Variants in ITIH5 observed in about 807,000 individuals in gnomAD.
The protein encoded by ITIH5 is inter-alpha-trypsin inhibitor heavy chain 5.
ITIH5 carries 65 observed loss-of-function variants against 77.5 expected under a neutral mutation model. That is an observed-to-expected ratio of 0.84 (90% CI 0.69 to 1.03). The LOEUF is 1.03. Among genes scored for constraint, ITIH5 ranks in the 50% least tolerant of loss-of-function variants. The pLI, the probability that ITIH5 is intolerant of heterozygous loss-of-function variation, is 0.00. For missense variants in ITIH5, 1,208 were observed against 1,213.1 expected, an observed-to-expected ratio of 1.00 and a Z score of 0.06; for synonymous variants, 525 against 494.3, an observed-to-expected ratio of 1.06 and a Z score of -0.82.
intron 4 of ITIH5, among the ~76,000 whole-genome samples, chr10:7,640,410 G>A (rs994879766): frequency 6.6e-6 from 1 of 151,022 alleles, no homozygotes; most frequent in African/African-American, 2.4e-5. Context: ...CCAGGAGGTT[G>A]AGGCTGCAGT....
intron 1 of ITIH5, among the ~76,000 whole-genome samples, chr10:7,663,921 C>G (rs926173144): frequency 6.6e-6 from 1 of 152,194 alleles, no homozygotes; most frequent in African/African-American, 2.4e-5. Flanking sequence ...TACTCAATAA[C>G]TGGTGGCTTT....
intron 10 of ITIH5, among the ~76,000 whole-genome samples, chr10:7,575,456 C>G (rs1307448652): frequency 1.3e-5 from 2 of 152,204 alleles, no homozygotes; most frequent in Non-Finnish European, 2.9e-5. Flanking sequence ...TCAGTTTCCT[C>G]TCCTAGGAGA....
At position 7,634,044 on chromosome 10, in the gene ITIH5, G is replaced by A. The variant is rs374766240; in HGVS notation, c.652+3184C>T. ...GCGGAGCTTGCAGTGAGCCGAGATC[G>A]CGCCACTGCACTCCAGCCTGGGCGA... On this transcript the variant is annotated intron_variant, in intron 5 of 13. Coordinates refer to ENST00000397146, the MANE Select transcript of ITIH5 (RefSeq NM_030569.7). Among the ~76,000 whole-genome samples the A allele has an allele frequency of 5.4e-3, 741 of 136,162 alleles. 3 individuals are homozygous for A. The highest frequency in any genetic ancestry group is 7.2e-3 in the Non-Finnish European group (474 of 65,382). The allele number at this position is 136,162 out of a possible 152,430, so 89.3% of individuals were successfully genotyped here.
At chr10:7,605,528 C>T (rs1833105444) in intron 7 of ITIH5, among the ~76,000 whole-genome samples, 1 of 53,522 alleles carries the variant, frequency 1.9e-5, no homozygotes, top group Admixed American at 2.3e-4. Context: ...TCCCCCATAC[C>T]TAGCACCCCA....
At chr10:7,566,561 A>G (rs949259269) in intron 12 of ITIH5, among the ~76,000 whole-genome samples, 154 bp from the exon 13 acceptor site, 1 of 151,126 alleles carries the variant, frequency 6.6e-6, no homozygotes, top group Non-Finnish European at 1.5e-5. Flanking sequence ...CCCCATCTCT[A>G]CTAAAAATAA....
intron 1 of ITIH5, among the ~76,000 whole-genome samples, chr10:7,656,871 G>A (rs1834193030): frequency 1.3e-5 from 2 of 150,930 alleles, no homozygotes; most frequent in African/African-American, 4.9e-5. Context: ...AGCCTCTGGA[G>A]TAGCTGGGAT....
At position 7,562,956 on chromosome 10, in the gene ITIH5, CA is replaced by C; in HGVS notation, c.*126del. 1 of 803,130 alleles carries C rather than the reference CA, an allele frequency of 1.2e-6. No individual in the cohort carries two copies. 49.8% of individuals were successfully genotyped at this position (803,130 alleles called of 1,614,324 possible). On this transcript the variant is annotated 3_prime_UTR_variant, in exon 14 of 14. Transcript: ENST00000397146. The stretch of plus-strand genomic sequence containing the variant: ...GACAGACGTCGGATCTATGCTGCAC[CA>C]GGGGTGGGTCATGGAGTCCAGCTAA...
intron 11 of ITIH5, chr10:7,572,669 A>G (rs996087852): frequency 4.2e-5 from 12 of 284,280 alleles, no homozygotes. Flanking sequence ...GGATGGTTTC[A>G]TAACAGCTGC....
chr10:7,622,040 GTCT>G (rs1833482514), intron 5 of ITIH5: 1 of 152,220 alleles, frequency 6.6e-6, no homozygotes, highest in African/African-American at 2.4e-5. Flanking sequence ...GGGAGGCCAA[GTCT>G]TCTAATCCCA....
chr10:7,588,424 G>A (rs10795555), intron 7 of ITIH5, among the ~76,000 whole-genome samples: 46,014 of 152,076 alleles, frequency 0.3, 7,488 homozygotes, highest in East Asian at 0.48. Context: ...AGGCTGAGGC[G>A]GGAGAATCAC....
At chr10:7,655,416 T>A (rs755033503) in intron 2 of ITIH5, among the ~76,000 whole-genome samples, 8 of 152,140 alleles carry the variant, frequency 5.3e-5, no homozygotes, top group Admixed American at 2.0e-4. Context: ...TTTTTAGTTC[T>A]ACTGAAATAA....
intron 7 of ITIH5, among the ~76,000 whole-genome samples, chr10:7,597,318 G>A (rs1832923811): frequency 6.6e-6 from 1 of 152,122 alleles, no homozygotes; most frequent in Admixed American, 6.5e-5. Flanking sequence ...GAGGTCCTCA[G>A]TGCCCCTTGG....
intron 7 of ITIH5, among the ~76,000 whole-genome samples, chr10:7,587,818 T>A (rs975321014): frequency 6.6e-6 from 1 of 152,186 alleles, no homozygotes; most frequent in Admixed American, 6.5e-5. Flanking sequence ...GGGACACCCT[T>A]GAAACACGCT....
chr10:7,627,920 C>A (rs1399344090), intron 5 of ITIH5, among the ~76,000 whole-genome samples: 1 of 137,332 alleles, frequency 7.3e-6, no homozygotes, highest in Non-Finnish European at 1.5e-5. Flanking sequence ...CAGCTCAATG[C>A]AACCTCCGCC....
chr10:7,566,445 C>T, intron 12 of ITIH5, 38 bp from the exon 13 acceptor site: 1 of 1,559,916 alleles, frequency 6.4e-7, no homozygotes, highest in Non-Finnish European at 8.7e-7. Flanking sequence ...GTTAGAAAAT[C>T]TGACCAGGAG....
intron 2 of ITIH5, among the ~76,000 whole-genome samples, chr10:7,647,100 A>C (rs1304879034): frequency 6.6e-6 from 1 of 152,186 alleles, no homozygotes; most frequent in Non-Finnish European, 1.5e-5. Context: ...GATGCATTAA[A>C]TTTTAGTTAA....
chr10:7,569,789 C>T lies in ITIH5; in HGVS notation c.2033-5G>A. On this transcript the variant is annotated splice_region_variant and splice_polypyrimidine_tract_variant and intron_variant, in intron 11 of 13. Coordinates refer to ENST00000397146, the MANE Select transcript of ITIH5 (RefSeq NM_030569.7). ...CAAAGTGGGGATCACCATCCACTGC[C>T]AGAGCAGAAGAAAACGGAGAGAAAA... 1.9e-6 allele frequency: 3 copies of T among 1,574,160 alleles called. No individual in the cohort carries two copies. The highest frequency in any genetic ancestry group is 2.6e-6 in the Non-Finnish European group (3 of 1,153,596).
At position 7,595,570 on chromosome 10, in the gene ITIH5, A is replaced by C; in HGVS notation, c.940-9501T>G. ...GAATTCCTCTTCTTATACGTACTTC[A>C]CTTGGGTTAAAAGAACAAAAGCCTA... On this transcript the variant is annotated intron_variant, in intron 7 of 13. Coordinates refer to ENST00000397146, the MANE Select transcript of ITIH5 (RefSeq NM_030569.7). Among the ~76,000 whole-genome samples the C allele has an allele frequency of 1.3e-5, 2 of 152,206 alleles. 1 individual carries two copies. Among genetic ancestry groups the C allele is most frequent in the Non-Finnish European group, 2.9e-5 (2 of 68,038 alleles).
intron 4 of ITIH5, 82 bp downstream of exon 4, chr10:7,640,672 G>A (rs1333341302): frequency 2.5e-6 from 2 of 806,968 alleles, no homozygotes; most frequent in Admixed American, 2.1e-5. Context: ...AAAGGAAGAC[G>A]ACAAGAGGAG....
Sources: allele counts gnomAD v4.1 joint callset (sites outside exome capture counted in the v4.1 genomes callset), GRCh38; gene constraint gnomAD v4.1.1; transcripts MANE v1.5; gene names NCBI Gene and HGNC (gene_info 2026-07-23, HGNC 2026-07-21).